The following SKIDA1 variants were observed in gnomAD, a reference collection of about 807,000 sequenced individuals.
SKIDA1 encodes SKI/DACH domain-containing protein 1.
A neutral mutation model predicts 51.4 loss-of-function variants in SKIDA1; 18 were observed. That is an observed-to-expected ratio of 0.35 (90% CI 0.24 to 0.52). SKIDA1 has a LOEUF of 0.52. Among genes scored for constraint, SKIDA1 ranks in the 20% least tolerant of loss-of-function variants. The pLI, the probability that SKIDA1 is intolerant of heterozygous loss-of-function variation, is 0.95. For synonymous variants in SKIDA1, 579 were observed against 500.5 expected (o/e 1.16, Z -2.09); for missense variants, 1,104 against 1,180.6 (o/e 0.94, Z 0.95).
chr10:21,520,012 T>C (rs1448383874), intron 3 of SKIDA1, among the ~76,000 whole-genome samples: 1 of 152,182 alleles, frequency 6.6e-6, no homozygotes, highest in African/African-American at 2.4e-5. Context: ...ACAGATGTAA[T>C]CGCCGCTCTT....
intron 3 of SKIDA1, among the ~76,000 whole-genome samples, chr10:21,520,332 C>T (rs2032356418): frequency 1.3e-5 from 2 of 152,114 alleles, no homozygotes; most frequent in Non-Finnish European, 2.9e-5. Flanking sequence ...AGGCAGAAAG[C>T]GAAGTTTCCA....
Position 21,525,669 on chromosome 10 carries a change from GTTGT to G in SKIDA1, c.-2244_-2241del, listed in dbSNP as rs1268765483. ...GGAGTAAATTCAACCACCCCCACTT[GTTGT>G]TAAAGCAAATTTACTGCGTTATTGC... On this transcript the variant is annotated 5_prime_UTR_variant, in exon 1 of 4. Coordinates refer to ENST00000449193, the MANE Select transcript of SKIDA1 (RefSeq NM_207371.4). 1 of 152,428 alleles carries G rather than the reference GTTGT, an allele frequency of 6.6e-6. No homozygotes were observed. Among genetic ancestry groups the G allele is most frequent in the Non-Finnish European group, 1.5e-5 (1 of 68,226 alleles). 9.4% of individuals were successfully genotyped at this position (152,428 alleles called of 1,614,324 possible).
chr10:21,524,366 T>TA (rs1371559571), intron 1 of SKIDA1, among the ~76,000 whole-genome samples: 1 of 152,120 alleles, frequency 6.6e-6, no homozygotes, highest in Non-Finnish European at 1.5e-5. Flanking sequence ...AGTATAAACT[T>TA]AAAAAAATTT....
rs1336083536 is a variant in SKIDA1 at position 21,515,815 on chromosome 10, G to T, written c.2008C>A (p.Pro670Thr). The T allele has an allele frequency of 1.1e-5, 18 of 1,613,964 alleles. No homozygotes were observed. The highest frequency in any genetic ancestry group is 1.4e-5 in the Non-Finnish European group (17 of 1,179,876). The stretch of plus-strand genomic sequence containing the variant: ...GTCTTGTCGCCTGTGTCAGTGCAGG[G>T]ATTCTCGGCTTTAGTTGCTGCTGCT... Reference protein sequence around the residue: ...AGAAATKAENPCTDTGDKTLP... With the variant: ...AGAAATKAENTCTDTGDKTLP... The change falls in exon 4 of 4, where the codon CCC becomes ACC. Residue 670 changes from proline (P) to threonine (T), a missense_variant. This residue lies in a region of SKIDA1 where 938 missense variants were observed against 886.4 expected (regional missense o/e 1.06). Transcript: ENST00000449193.
chr10:21,520,209 C>A (rs2032352705), intron 3 of SKIDA1, among the ~76,000 whole-genome samples: 1 of 152,150 alleles, frequency 6.6e-6, no homozygotes, highest in Non-Finnish European at 1.5e-5. Context: ...CAGCAATGAA[C>A]AATGCCTCGT....
chr10:21,514,213 C>CAAAAAAAAAAAAAAAAA lies in SKIDA1; in HGVS notation c.*866_*882dup, dbSNP rs71393903. 1 of 60,172 alleles carries CAAAAAAAAAAAAAAAAA rather than the reference C, an allele frequency of 1.7e-5. No homozygotes were observed. Among genetic ancestry groups the CAAAAAAAAAAAAAAAAA allele is most frequent in the Non-Finnish European group, 2.8e-5 (1 of 35,238 alleles). 3.7% of individuals were successfully genotyped at this position (60,172 alleles called of 1,614,324 possible). On this transcript the variant is annotated 3_prime_UTR_variant, in exon 4 of 4. Coordinates refer to ENST00000449193, the MANE Select transcript of SKIDA1 (RefSeq NM_207371.4). ...CTGGGCGACACAGCGAGACTCTCTCCAAAAAAAAAAAAAAAAAAAAAAAGA... is the reference window on the plus strand; with the variant it reads ...CTGGGCGACACAGCGAGACTCTCTCCAAAAAAAAAAAAAAAAAAAAAAAAAAAAAAAAAAAAAAAAGA...
Position 21,517,627 on chromosome 10 carries a change from T to G in SKIDA1, c.196A>C (p.Lys66Gln). 1 of 1,613,964 alleles carries G rather than the reference T, an allele frequency of 6.2e-7. No individual in the cohort carries two copies. The highest frequency in any genetic ancestry group is 8.5e-7 in the Non-Finnish European group (1 of 1,179,842). ...KHHCDLEELR[K>Q]LKAINSIAFH... The stretch of plus-strand genomic sequence containing the variant: ...GCGATGCTGTTAATTGCCTTGAGTT[T>G]CCGCAACTCCTCCAGATCGCAGTGG... The change falls in exon 4 of 4, where the codon AAA becomes CAA. Residue 66 changes from lysine (K) to glutamine (Q), a missense_variant. Lys to Gln is a moderately conservative substitution (Grantham distance 53). Around this residue, in one of 3 missense-constraint regions of SKIDA1, gnomAD observed 54 missense variants for 126.0 expected, o/e 0.43. Transcript: ENST00000449193. This position sits in a 1 kb window ranked among gnomAD's most constrained non-coding sequence, Gnocchi z 6.9.
In SKIDA1 at chr10:21,517,884, T is replaced by G; in HGVS notation, c.-62A>C. ...TATATACGTGACGCATACATACACATGTATGTATGTTAATCCTCAGCCAGA... is the reference window on the plus strand; with the variant it reads ...TATATACGTGACGCATACATACACAGGTATGTATGTTAATCCTCAGCCAGA... On this transcript the variant is annotated 5_prime_UTR_variant, in exon 4 of 4. An upstream start codon of the reference 5' UTR is lost. Transcript: ENST00000449193. The surrounding 1 kb of genome is among the most constrained non-coding windows in gnomAD (Gnocchi z 6.9). The G allele has an allele frequency of 1.4e-6, 2 of 1,416,196 alleles. No homozygotes were observed. Among genetic ancestry groups the G allele is most frequent in the Non-Finnish European group, 1.9e-6 (2 of 1,047,056 alleles). The allele number at this position is 1,416,196 out of a possible 1,614,324, so 87.7% of individuals were successfully genotyped here. A position where few individuals can be genotyped will look rare whatever the true frequency, so the allele number is the denominator to read the frequency against.
In SKIDA1 at chr10:21,518,122, C is replaced by G; in HGVS notation, c.-300G>C. The G allele has an allele frequency of 3.0e-6, 1 of 334,866 alleles. No individual in the cohort carries two copies. Among genetic ancestry groups the G allele is most frequent in the Admixed American group, 4.6e-5 (1 of 21,708 alleles). The allele number at this position is 334,866 out of a possible 1,614,324, so 20.7% of individuals were successfully genotyped here. ...GTTTCTGATCTGCCAGTGTGTTGGT[C>G]TGAGTCCCCGATGCAGATCAGTACC... On this transcript the variant is annotated 5_prime_UTR_variant, in exon 4 of 4. Coordinates refer to ENST00000449193, the MANE Select transcript of SKIDA1 (RefSeq NM_207371.4).
chr10:21,516,479 G>C lies in SKIDA1; in HGVS notation c.1344C>G (p.Thr448=), dbSNP rs1234225793. 3.1e-6 allele frequency: 5 copies of C among 1,609,360 alleles called. No individual in the cohort carries two copies. The highest frequency in any genetic ancestry group is 1.7e-5 in the Admixed American group (1 of 59,446). Residue 448 remains threonine, a synonymous_variant, in exon 4 of 4, where the codon ACC becomes ACG. Coordinates refer to ENST00000449193, the MANE Select transcript of SKIDA1 (RefSeq NM_207371.4). The surrounding 1 kb of genome is among the most constrained non-coding windows in gnomAD (Gnocchi z 5.7). The part of the protein sequence containing the change: ...EVSSEEEDSS[T]ESDSSSGSSQ... ...TGGAGCCGGAGCTGGAGTCCGACTC[G>C]GTGGACGAGTCCTCCTCCTCCGAGC...
In SKIDA1 at chr10:21,513,615, C is replaced by T. The variant is rs2032098691; in HGVS notation, c.*1481G>A. ...GCCCTTACCCAGGGCTAGACCCTAG[C>T]ATTTGCATGTTGAACTACTTTGATT... On this transcript the variant is annotated 3_prime_UTR_variant, in exon 4 of 4. Coordinates refer to ENST00000449193, the MANE Select transcript of SKIDA1 (RefSeq NM_207371.4). 1 of 152,620 alleles carries T rather than the reference C, an allele frequency of 6.6e-6. No homozygotes were observed. Among genetic ancestry groups the T allele is most frequent in the Non-Finnish European group, 1.5e-5 (1 of 68,034 alleles). The allele number at this position is 152,620 out of a possible 1,614,324, so 9.5% of individuals were successfully genotyped here. A position where few individuals can be genotyped will look rare whatever the true frequency, so the allele number is the denominator to read the frequency against.
At position 21,517,592 on chromosome 10, in the gene SKIDA1, G is replaced by T; in HGVS notation, c.231C>A (p.Ala77=). The change falls in exon 4 of 4, where the codon GCC becomes GCA. Residue 77 remains alanine, a synonymous_variant. Transcript: ENST00000449193. The surrounding 1 kb of genome is among the most constrained non-coding windows in gnomAD (Gnocchi z 6.9). ...LKAINSIAFH[A]AKCTLISRED... is the part of the protein sequence containing the mutation. ...CCCGGGAGATGAGCGTGCATTTGGCGGCGTGGAAGGCGATGCTGTTAATTG... is the reference window on the plus strand; with the variant it reads ...CCCGGGAGATGAGCGTGCATTTGGCTGCGTGGAAGGCGATGCTGTTAATTG... The T allele has an allele frequency of 1.2e-6, 2 of 1,613,668 alleles. No homozygotes were observed. The highest frequency in any genetic ancestry group is 1.7e-6 in the Non-Finnish European group (2 of 1,179,748).
chr10:21,517,056 T>C lies in SKIDA1; in HGVS notation c.767A>G (p.Lys256Arg). 9.6e-7 allele frequency: 1 copy of C among 1,037,068 alleles called. No homozygotes were observed. The highest frequency in any genetic ancestry group is 1.2e-6 in the Non-Finnish European group (1 of 868,150). The allele number at this position is 1,037,068 out of a possible 1,614,324, so 64.2% of individuals were successfully genotyped here. ...CGGGCCTCCGGCGCCCGCCGCTGCCTTGGGCTGGGGCCCGGCCGCCGATAC... is the reference window on the plus strand; with the variant it reads ...CGGGCCTCCGGCGCCCGCCGCTGCCCTGGGCTGGGGCCCGGCCGCCGATAC... The part of the protein sequence containing the change: ...YQVSAAGPQP[K>R]AAAGAGGPGS... Residue 256 changes from lysine to arginine, a missense_variant, in exon 4 of 4, where the codon AAG (lysine) becomes AGG (arginine). By Grantham distance (26) the Lys-to-Arg change is conservative (BLOSUM62 2). Coordinates refer to ENST00000449193, the MANE Select transcript of SKIDA1 (RefSeq NM_207371.4). This position sits in a 1 kb window ranked among gnomAD's most constrained non-coding sequence, Gnocchi z 6.9.
In SKIDA1 at chr10:21,517,371, A is replaced by T. The variant is rs761425518; in HGVS notation, c.452T>A (p.Ile151Asn). The change falls in exon 4 of 4, where the codon ATC (isoleucine) becomes AAC (asparagine). Residue 151 changes from isoleucine to asparagine, a missense_variant. Around this residue, in one of 3 missense-constraint regions of SKIDA1, gnomAD observed 938 missense variants for 886.4 expected, o/e 1.06. Coordinates refer to ENST00000449193, the MANE Select transcript of SKIDA1 (RefSeq NM_207371.4). The surrounding 1 kb of genome is among the most constrained non-coding windows in gnomAD (Gnocchi z 6.9). ...GLSGAARPLP[I>N]SAQSQRPGAA... is the part of the protein sequence containing the mutation. ...GCCCGGGCGCTGGGACTGCGCGCTG[A>T]TTGGCAGGGGCCGCGCGGCTCCGCT... 46 of 1,404,528 alleles carry T rather than the reference A, an allele frequency of 3.3e-5. No homozygotes were observed. In the South Asian group the frequency reaches 7.3e-4, roughly 22 times the overall value. 87.0% of individuals were successfully genotyped at this position (1,404,528 alleles called of 1,614,324 possible).
In SKIDA1 at chr10:21,517,404, C is replaced by G. The variant is rs564569965; in HGVS notation, c.419G>C (p.Arg140Pro). 29 of 1,463,742 alleles carry G rather than the reference C, an allele frequency of 2.0e-5. No individual in the cohort carries two copies. Among genetic ancestry groups the G allele is most frequent in the African/African-American group, 7.3e-5 (5 of 68,422 alleles). The allele number at this position is 1,463,742 out of a possible 1,614,324, so 90.7% of individuals were successfully genotyped here. A position where few individuals can be genotyped will look rare whatever the true frequency, so the allele number is the denominator to read the frequency against. ...GGGCCGCGCGGCTCCGCTCAGGCCC[C>G]GCCAAAGTTGGTGCTTGTCCTTCCA... ...GFWKDKHQLW[R>P]GLSGAARPLP... Residue 140 changes from arginine (R) to proline (P), a missense_variant, in exon 4 of 4, where the codon CGG becomes CCG. This residue lies in a region of SKIDA1 where 938 missense variants were observed against 886.4 expected (regional missense o/e 1.06). Coordinates refer to ENST00000449193, the MANE Select transcript of SKIDA1 (RefSeq NM_207371.4). This position sits in a 1 kb window ranked among gnomAD's most constrained non-coding sequence, Gnocchi z 6.9.
Position 21,516,650 on chromosome 10 carries a change from G to A in SKIDA1, c.1173C>T (p.His391=), listed in dbSNP as rs1312530445. ...SDSESSSYSD[H]AANDSDFGSS... ...AGCCAAAATCCGAGTCGTTGGCCGC[G>A]TGGTCCGAGTAGGAGCTGGACTCGG... The change falls in exon 4 of 4, where the codon CAC becomes CAT. Residue 391 remains histidine (H), a synonymous_variant. Coordinates refer to ENST00000449193, the MANE Select transcript of SKIDA1 (RefSeq NM_207371.4). This position sits in a 1 kb window ranked among gnomAD's most constrained non-coding sequence, Gnocchi z 5.7. The A allele has an allele frequency of 2.6e-6, 4 of 1,551,756 alleles. No homozygotes were observed. In the Admixed American group the frequency reaches 7.8e-5, roughly 30 times the overall value.
chr10:21,516,741 T>C lies in SKIDA1; in HGVS notation c.1082A>G (p.His361Arg), dbSNP rs1433472245. Residue 361 changes from histidine (H) to arginine (R), a missense_variant, in exon 4 of 4, where the codon CAC becomes CGC. Transcript: ENST00000449193. The surrounding 1 kb of genome is among the most constrained non-coding windows in gnomAD (Gnocchi z 5.7). ...HRAQPPQQSH[H>R]PPHHHRPQPH... is the part of the protein sequence containing the mutation. Reference sequence around the variant, plus strand: ...CTGCGGCCGGTGGTGGTGAGGGGGGTGGTGACTCTGCTGCGGCGGCTGGGC... The same window carrying C: ...CTGCGGCCGGTGGTGGTGAGGGGGGCGGTGACTCTGCTGCGGCGGCTGGGC... 6.5e-7 allele frequency: 1 copy of C among 1,545,988 alleles called. No homozygotes were observed. Among genetic ancestry groups the C allele is most frequent in the Middle Eastern group, 1.8e-4 (1 of 5,520 alleles).
rs527321638 is a variant in SKIDA1 at position 21,518,648 on chromosome 10, T to G, written c.-826A>C. Reference sequence around the variant, plus strand: ...GCTATTATCATTTCAAAGAAAAGCATTTAAAAAACATTATCAAGCCGAAAG... The same window carrying G: ...GCTATTATCATTTCAAAGAAAAGCAGTTAAAAAACATTATCAAGCCGAAAG... On this transcript the variant is annotated 5_prime_UTR_variant, in exon 4 of 4. It removes an upstream start codon present in the reference 5' UTR. Coordinates refer to ENST00000449193, the MANE Select transcript of SKIDA1 (RefSeq NM_207371.4). 6.0e-6 allele frequency: 1 copy of G among 167,060 alleles called. No individual in the cohort carries two copies. Among genetic ancestry groups the G allele is most frequent in the East Asian group, 1.9e-4 (1 of 5,186 alleles). 10.3% of individuals were successfully genotyped at this position (167,060 alleles called of 1,614,324 possible).
chr10:21,520,025 A>T (rs2032348375), intron 3 of SKIDA1, among the ~76,000 whole-genome samples: 1 of 152,262 alleles, frequency 6.6e-6, no homozygotes. Context: ...CCGCTCTTCA[A>T]CTTAATCAAT....
Sources: allele counts gnomAD v4.1 joint callset (sites outside exome capture counted in the v4.1 genomes callset), GRCh38; gene constraint gnomAD v4.1.1; regional missense constraint gnomAD v4.1.1; non-coding constraint Gnocchi (gnomAD v3.1); transcripts MANE v1.5; gene names NCBI Gene and HGNC (gene_info 2026-07-23, HGNC 2026-07-21).